Variants in FRMPD4 observed in about 807,000 individuals in gnomAD.
FRMPD4 encodes the protein FERM and PDZ domain-containing protein 4.
Under a neutral mutation model 94.1 loss-of-function variants are expected in FRMPD4, and 22 were observed. That is an observed-to-expected ratio of 0.23 (90% CI 0.17 to 0.33). The LOEUF (loss-of-function observed/expected upper bound fraction) is 0.33, where lower values mean the gene tolerates loss of function less well. Among genes scored for constraint, FRMPD4 ranks in the 10% least tolerant of loss-of-function variants. The pLI is 1.00. For missense variants in FRMPD4, 1,111 were observed against 1,339.9 expected (o/e 0.83, Z 2.67); for synonymous variants, 631 against 548.6 (o/e 1.15, Z -2.10).
intron 1 of FRMPD4, among the ~76,000 whole-genome samples, chrX:12,182,579 T>TAA (rs746746276): frequency 0.26 from 27,376 of 106,176 alleles, 3,199 homozygotes; most frequent in Non-Finnish European, 0.33. Context: ...AATAAATAAA[T>TAA]ATATATATAT....
At chrX:12,103,791 G>A (rs920269393) in intron 3 of FRMPD4, among the ~76,000 whole-genome samples, 2 of 111,711 alleles carry the variant, frequency 1.8e-5, no homozygotes, top group African/African-American at 6.5e-5. Context: ...GAGATAATTA[G>A]AGTTTACATA....
At chrX:12,543,092 G>C (rs1162913035) in intron 2 of FRMPD4, among the ~76,000 whole-genome samples, 5 of 111,598 alleles carry the variant, frequency 4.5e-5, no homozygotes, top group Non-Finnish European at 9.4e-5. Flanking sequence ...ATTAATTCAA[G>C]ATGGATTAAA....
chrX:12,283,017 C>T (rs868748499), intron 1 of FRMPD4, among the ~76,000 whole-genome samples: 1 of 113,055 alleles, frequency 8.8e-6, no homozygotes, highest in Non-Finnish European at 1.9e-5. Flanking sequence ...TTCAAGTGCT[C>T]AGTAGCTATC....
chrX:12,256,848 C>G (rs1378816215), intron 1 of FRMPD4, among the ~76,000 whole-genome samples: 3 of 111,965 alleles, frequency 2.7e-5, no homozygotes, highest in African/African-American at 9.7e-5. Flanking sequence ...TCATGGCACA[C>G]CAGTGTACTT....
intron 1 of FRMPD4, among the ~76,000 whole-genome samples, chrX:12,338,680 G>A (rs757086462): frequency 2.7e-5 from 3 of 112,688 alleles, no homozygotes; most frequent in Admixed American, 9.4e-5. Flanking sequence ...TGTCAAATAC[G>A]TACTACCTGG....
At chrX:12,025,371 C>T (rs1002171389) in intron 3 of FRMPD4, among the ~76,000 whole-genome samples, 2 of 109,943 alleles carry the variant, frequency 1.8e-5, no homozygotes, top group Admixed American at 9.7e-5. Flanking sequence ...TCTCAGAGGC[C>T]ATTCAAGGTC....
chrX:12,552,898 G>A (rs1416965725), intron 2 of FRMPD4, among the ~76,000 whole-genome samples: 2 of 112,408 alleles, frequency 1.8e-5, no homozygotes, highest in East Asian at 5.5e-4. Flanking sequence ...CCTCGTGCCT[G>A]TAATCCTAGC....
chrX:12,602,216 C>T (rs888291383), intron 2 of FRMPD4, among the ~76,000 whole-genome samples: 1 of 112,070 alleles, frequency 8.9e-6, no homozygotes, highest in Non-Finnish European at 1.9e-5. Flanking sequence ...CCATACTTTG[C>T]TTTCTTTTAT....
At chrX:11,967,750 G>GT (rs1267447992) in intron 3 of FRMPD4, among the ~76,000 whole-genome samples, 948 of 79,745 alleles carry the variant, frequency 0.012, 33 homozygotes, top group East Asian at 0.087. Context: ...GTGTGTGTGT[G>GT]TGTGTGTTTT....
intron 1 of FRMPD4, among the ~76,000 whole-genome samples, chrX:12,477,538 C>A (rs1406932641): frequency 8.9e-6 from 1 of 112,507 alleles, no homozygotes; most frequent in Non-Finnish European, 1.9e-5. Context: ...AACTGCTGGG[C>A]AGACATCGGT....
chrX:12,392,924 G>A (rs1285371134), intron 1 of FRMPD4, among the ~76,000 whole-genome samples: 8 of 111,783 alleles, frequency 7.2e-5, no homozygotes, highest in African/African-American at 2.0e-4. Flanking sequence ...CCAAGATCGC[G>A]CCACTGCACT....
intron 1 of FRMPD4, among the ~76,000 whole-genome samples, chrX:12,231,030 G>GTATATA (rs56948982): frequency 1.9e-4 from 5 of 26,410 alleles, no homozygotes; most frequent in African/African-American, 2.4e-4. Flanking sequence ...TATATATATA[G>GTATATA]TATATATATA....
intron 1 of FRMPD4, among the ~76,000 whole-genome samples, chrX:12,372,935 C>T (rs1210090188): frequency 9.0e-6 from 1 of 111,730 alleles, no homozygotes; most frequent in Non-Finnish European, 1.9e-5. Context: ...GTCCTCAGGA[C>T]AAGCAAGGAG....
chrX:11,948,150 T>A (rs1481297656), intron 3 of FRMPD4, among the ~76,000 whole-genome samples: 2 of 109,334 alleles, frequency 1.8e-5, no homozygotes, highest in Non-Finnish European at 3.8e-5. Context: ...AGAAGGCAAT[T>A]GCCTAACACT....
At chrX:11,916,041 T>G (rs1048553188) in intron 3 of FRMPD4, among the ~76,000 whole-genome samples, 6 of 111,344 alleles carry the variant, frequency 5.4e-5, no homozygotes, top group African/African-American at 2.0e-4. Flanking sequence ...CCAGAGAGAC[T>G]GAGGAAGCTT....
At chrX:12,541,575 C>A (rs148577591) in intron 2 of FRMPD4, among the ~76,000 whole-genome samples, 2,030 of 111,434 alleles carry the variant, frequency 0.018, 44 homozygotes, top group African/African-American at 0.063. Context: ...CAATAACAGG[C>A]TCTGAAATCG....
intron 2 of FRMPD4, among the ~76,000 whole-genome samples, chrX:11,872,205 G>A (rs2053759517): frequency 1.8e-5 from 2 of 112,008 alleles, no homozygotes; most frequent in South Asian, 3.7e-4. Context: ...ATTTTTCATT[G>A]CAGGTACAAT....
At chrX:12,530,681 T>A (rs1012914602) in intron 2 of FRMPD4, among the ~76,000 whole-genome samples, 1 of 110,719 alleles carries the variant, frequency 9.0e-6, no homozygotes, top group African/African-American at 3.3e-5. Context: ...AATGAGGGGG[T>A]GATATCAAAG....
At chrX:12,469,224 T>A (rs1427884100) in intron 1 of FRMPD4, among the ~76,000 whole-genome samples, 1 of 111,407 alleles carries the variant, frequency 9.0e-6, no homozygotes, top group Non-Finnish European at 1.9e-5. Flanking sequence ...GGCCCTTCCC[T>A]TCCCCTTCTC....
Sources: allele counts gnomAD v4.1 joint callset (sites outside exome capture counted in the v4.1 genomes callset), GRCh38; gene constraint gnomAD v4.1.1; transcripts MANE v1.5; gene names NCBI Gene and HGNC (gene_info 2026-07-23, HGNC 2026-07-21).